MTMR8: variants seen among roughly 807,000 people sequenced by gnomAD.
MTMR8 encodes the protein phosphatidylinositol-3,5-bisphosphate 3-phosphatase MTMR8.
MTMR8 carries 65 observed loss-of-function variants against 39.3 expected under a neutral mutation model. That is an observed-to-expected ratio of 1.65 (90% CI 1.35 to 2.03). The LOEUF is 2.03. MTMR8 is among the 30% of genes most tolerant of loss of function. MTMR8 has a pLI of 0.00. For synonymous variants in MTMR8, 245 were observed against 185.2 expected (o/e 1.32, Z -2.62); for missense variants, 777 against 538.9 (o/e 1.44, Z -4.37).
chrX:64,381,793 A>C lies in MTMR8; in HGVS notation c.24+13547T>G, dbSNP rs768426806. Reference sequence around the variant, plus strand: ...ATTAATTTTTGTATAAGGTGTAAGGAAGGGATCCAGTTTCAGCTTTCTACA... The same window carrying C: ...ATTAATTTTTGTATAAGGTGTAAGGCAGGGATCCAGTTTCAGCTTTCTACA... On this transcript the variant is annotated intron_variant, in intron 1 of 13. Transcript: ENST00000374852. Among the ~76,000 whole-genome samples, 7 of 111,551 alleles carry C rather than the reference A, an allele frequency of 6.3e-5. No individual in the cohort carries two copies. The South Asian group carries it at 2.6e-3, about 42-fold the overall frequency.
At chrX:64,381,670 T>C (rs1924428581) in intron 1 of MTMR8, among the ~76,000 whole-genome samples, 1 of 111,346 alleles carries the variant, frequency 9.0e-6, no homozygotes, top group Admixed American at 9.6e-5. Flanking sequence ...AGACATGAAG[T>C]CCTTGCCCAT....
intron 12 of MTMR8, among the ~76,000 whole-genome samples, chrX:64,290,697 G>T (rs896054914): frequency 3.6e-5 from 4 of 111,352 alleles, no homozygotes; most frequent in African/African-American, 1.3e-4. Context: ...ATTTTGTCAA[G>T]AAATTTATGT....
intron 12 of MTMR8, among the ~76,000 whole-genome samples, chrX:64,289,636 CAAAAAAAAAAA>C (rs749879321): frequency 7.6e-5 from 2 of 26,425 alleles, no homozygotes; most frequent in African/African-American, 2.0e-4. Flanking sequence ...GACTCCATCG[CAAAAAAAAAAA>C]AAAAAAAAAA....
chrX:64,383,746 C>T (rs1295770664), intron 1 of MTMR8, among the ~76,000 whole-genome samples: 1 of 110,976 alleles, frequency 9.0e-6, no homozygotes, highest in Non-Finnish European at 1.9e-5. Context: ...CCCCCATCAT[C>T]CAATCACCTC....
At chrX:64,311,595 C>T (rs922676106) in intron 12 of MTMR8, among the ~76,000 whole-genome samples, 17 of 111,259 alleles carry the variant, frequency 1.5e-4, no homozygotes, top group African/African-American at 5.6e-4. Flanking sequence ...ATAGTACTGC[C>T]TAGGTTTTCT....
chrX:64,312,572 G>C (rs1922345432), intron 12 of MTMR8, among the ~76,000 whole-genome samples: 1 of 112,327 alleles, frequency 8.9e-6, no homozygotes, highest in African/African-American at 3.2e-5. Flanking sequence ...TGTATATTTA[G>C]AAAACCCCAT....
Position 64,395,426 on chromosome X carries a change from G to T in MTMR8, c.-63C>A. ...TCCAGATGCCGCCGCCACCGGTCTA[G>T]CCGCCTCCTGCCTCAACCCGGGTTT... On this transcript the variant is annotated 5_prime_UTR_variant, in exon 1 of 14. Transcript: ENST00000374852. 1 of 1,128,421 alleles carries T rather than the reference G, an allele frequency of 8.9e-7. No individual in the cohort carries two copies. The highest frequency in any genetic ancestry group is 1.2e-6 in the Non-Finnish European group (1 of 825,072). 93.0% of individuals were successfully genotyped at this position (1,128,421 alleles called of 1,213,427 possible).
intron 12 of MTMR8, among the ~76,000 whole-genome samples, chrX:64,276,933 C>A (rs1931883142): frequency 9.0e-6 from 1 of 111,501 alleles, no homozygotes; most frequent in Admixed American, 9.5e-5. Flanking sequence ...TTTAGGTGTT[C>A]CTGTATTGGG....
chrX:64,269,283 A>G (rs1450796217), intron 13 of MTMR8, among the ~76,000 whole-genome samples: 1 of 111,770 alleles, frequency 8.9e-6, no homozygotes, highest in Non-Finnish European at 1.9e-5. Flanking sequence ...TGATAAGTGC[A>G]ATTTTGTTCA....
intron 13 of MTMR8, 100 bp from the exon 14 acceptor site, chrX:64,269,143 A>G: frequency 1.2e-6 from 1 of 857,330 alleles, no homozygotes; most frequent in Non-Finnish European, 1.6e-6. Context: ...TGTCACTTAT[A>G]ATGGTAGCAA....
intron 1 of MTMR8, among the ~76,000 whole-genome samples, chrX:64,369,509 C>G (rs1428027268): frequency 4.5e-5 from 5 of 110,934 alleles, no homozygotes; most frequent in Non-Finnish European, 9.4e-5. Flanking sequence ...CAAACTATCA[C>G]AAGGACAGAA....
intron 11 of MTMR8, among the ~76,000 whole-genome samples, chrX:64,329,830 G>T (rs932429502): frequency 1.8e-5 from 2 of 111,475 alleles, no homozygotes; most frequent in South Asian, 3.7e-4. Flanking sequence ...AAAATATTGC[G>T]TTGGTAAGGT....
intron 1 of MTMR8, among the ~76,000 whole-genome samples, chrX:64,376,037 G>T (rs1427500098): frequency 9.0e-6 from 1 of 111,635 alleles, no homozygotes; most frequent in Admixed American, 9.5e-5. Context: ...CTTCCCCTTT[G>T]CTTCCACCAT....
Position 64,337,281 on chromosome X carries a change from A to C in MTMR8, c.1088T>G (p.Phe363Cys), listed in dbSNP as rs751643110. Residue 363 changes from phenylalanine to cysteine, a missense_variant, in exon 9 of 14, where the codon TTC becomes TGC. Coordinates refer to ENST00000374852, the MANE Select transcript of MTMR8 (RefSeq NM_017677.4). ...SILLDPFYRT[F>C]KGLMILIEKE... ...GTGCTCTCTTACCATGAGTCCTTTG[A>C]ATGTCCTATAAAATGGATCTAGGAG... is the stretch of plus-strand genomic sequence containing the variant. The C allele has an allele frequency of 8.3e-7, 1 of 1,209,955 alleles. No homozygotes were observed. Among genetic ancestry groups the C allele is most frequent in the East Asian group, 3.0e-5 (1 of 33,773 alleles).
chrX:64,361,415 T>C lies in MTMR8; in HGVS notation c.25-1888A>G, dbSNP rs1468861789. Among the ~76,000 whole-genome samples the C allele has an allele frequency of 6.3e-5, 7 of 111,855 alleles. No individual in the cohort carries two copies. In the East Asian group the frequency reaches 1.1e-3, roughly 18 times the overall value. Reference sequence around the variant, plus strand: ...AGTAAGAAAGTTTAGGGCTACTTCATTTATGAAATGTAGACACAAAAAATG... The same window carrying C: ...AGTAAGAAAGTTTAGGGCTACTTCACTTATGAAATGTAGACACAAAAAATG... On this transcript the variant is annotated intron_variant, in intron 1 of 13. Transcript: ENST00000374852.
chrX:64,350,144 G>A (rs17301157), intron 4 of MTMR8, 74 bp from the exon 5 acceptor site: 123,071 of 620,830 alleles, frequency 0.2, 9,823 homozygotes, highest in Non-Finnish European at 0.22. Flanking sequence ...TTGGAAATAC[G>A]TATTTTGGTA....
chrX:64,294,882 A>G (rs1921518054), intron 12 of MTMR8, among the ~76,000 whole-genome samples: 1 of 111,504 alleles, frequency 9.0e-6, no homozygotes, highest in African/African-American at 3.3e-5. Flanking sequence ...TGAATTTGGG[A>G]GAACATAAAT....
intron 1 of MTMR8, among the ~76,000 whole-genome samples, chrX:64,394,638 T>C (rs1260823427): frequency 9.0e-6 from 1 of 111,597 alleles, no homozygotes; most frequent in East Asian, 2.8e-4. Flanking sequence ...GGGAGTAGGA[T>C]CTGGAAAGAT....
chrX:64,269,061 A>G lies in MTMR8; in HGVS notation c.1609-18T>C. On this transcript the variant is annotated intron_variant, in intron 13 of 13. Coordinates refer to ENST00000374852, the MANE Select transcript of MTMR8 (RefSeq NM_017677.4). ...TTTAGTTTCTGCCTCAGGAGCAAGA[A>G]AGGGTTGAGAAGAATTAGAAACAGG... The G allele has an allele frequency of 8.4e-7, 1 of 1,194,091 alleles. No homozygotes were observed. Among genetic ancestry groups the G allele is most frequent in the Admixed American group, 2.3e-5 (1 of 43,714 alleles).
Sources: gnomAD v4.1 joint callset for allele counts (sites outside exome capture counted in the v4.1 genomes callset) on GRCh38, gnomAD v4.1.1 for gene constraint, MANE v1.5 for transcripts, NCBI Gene and HGNC (gene_info 2026-07-23, HGNC 2026-07-21) for gene names.